MTSS1: variants seen among roughly 807,000 people sequenced by gnomAD.
The protein encoded by MTSS1 is MTSS I-BAR domain containing 1.
In MTSS1, 18 loss-of-function variants were observed where a neutral mutation model predicts 79.0. The ratio of observed to expected loss-of-function variants is 0.23; its 90% CI spans 0.16 to 0.34. MTSS1 has a LOEUF of 0.34. MTSS1 is among the 10% of genes least tolerant of loss of function. The pLI is 1.00. For synonymous variants in MTSS1, 341 were observed against 368.6 expected, an observed-to-expected ratio of 0.93 and a Z score of 0.86; for missense variants, 815 against 986.2, an observed-to-expected ratio of 0.83 and a Z score of 2.33.
At chr8:124,726,741 G>A (rs896093429) in intron 1 of MTSS1, among the ~76,000 whole-genome samples, 2 of 152,180 alleles carry the variant, frequency 1.3e-5, no homozygotes, top group Non-Finnish European at 2.9e-5. Context: ...CTGAAGAGGG[G>A]CTGTCCACAC....
chr8:124,566,564 C>T (rs562677440), intron 8 of MTSS1, among the ~76,000 whole-genome samples: 2 of 152,248 alleles, frequency 1.3e-5, no homozygotes, highest in South Asian at 4.1e-4. Flanking sequence ...ATAAAAATGT[C>T]ATCTTTTTCA....
chr8:124,601,060 T>C (rs2132985231), intron 3 of MTSS1, among the ~76,000 whole-genome samples: 1 of 107,512 alleles, frequency 9.3e-6, no homozygotes, highest in East Asian at 2.9e-4. Context: ...CCCTTGACTG[T>C]AATTTTTTTT....
intron 10 of MTSS1, among the ~76,000 whole-genome samples, chr8:124,560,646 G>A (rs1334910122): frequency 1.3e-5 from 2 of 152,046 alleles, no homozygotes; most frequent in African/African-American, 2.4e-5. Flanking sequence ...GTGAGACCCT[G>A]TCTCAAAAAA....
chr8:124,558,745 A>G (rs1438351481), intron 10 of MTSS1: 1 of 1,580,390 alleles, frequency 6.3e-7, no homozygotes, highest in Admixed American at 1.7e-5. Context: ...CCCATGGTGG[A>G]GCCCGAGCTG....
intron 3 of MTSS1, among the ~76,000 whole-genome samples, chr8:124,630,260 G>A (rs1311437349): frequency 5.3e-5 from 8 of 152,070 alleles, no homozygotes; most frequent in African/African-American, 1.9e-4. Flanking sequence ...CCACTGGGCT[G>A]AATGGGGGCC....
chr8:124,646,989 G>A (rs1167122199), intron 3 of MTSS1, among the ~76,000 whole-genome samples: 1 of 152,084 alleles, frequency 6.6e-6, no homozygotes, highest in African/African-American at 2.4e-5. Context: ...GGGACTACAG[G>A]CATGTGCCAC....
Position 124,715,720 on chromosome 8 carries a change from T to G in MTSS1, c.73-11529A>C, listed in dbSNP as rs79483103. Among the ~76,000 whole-genome samples, 1,335 of 152,302 alleles carry G rather than the reference T, an allele frequency of 8.8e-3. 19 individuals are homozygous for G. Among genetic ancestry groups the G allele is most frequent in the African/African-American group, 0.031 (1,281 of 41,564 alleles). On this transcript the variant is annotated intron_variant, in intron 1 of 13. Transcript: ENST00000518547. ...TAAGTGTCTTTCCATTGAATGTCAT[T>G]TTTCTTGCCTGGCGAGAGGGCGCTG...
At position 124,645,996 on chromosome 8, in the gene MTSS1, A is replaced by G. The variant is rs1818933973; in HGVS notation, c.208+53530T>C. 2.6e-5 allele frequency among the ~76,000 whole-genome samples: 4 copies of G among 152,318 alleles called. 1 individual carries two copies. In the South Asian group the frequency reaches 8.3e-4, roughly 32 times the overall value. On this transcript the variant is annotated intron_variant, in intron 3 of 13. Transcript: ENST00000518547. ...TATTTCTCCCCTCCTTTCCACTGTGAATGTCTATTTAGAAAAAAGTATGTA... is the reference window on the plus strand; with the variant it reads ...TATTTCTCCCCTCCTTTCCACTGTGGATGTCTATTTAGAAAAAAGTATGTA...
intron 1 of MTSS1, among the ~76,000 whole-genome samples, chr8:124,716,601 A>G (rs1832029625): frequency 6.6e-6 from 1 of 152,204 alleles, no homozygotes; most frequent in Non-Finnish European, 1.5e-5. Flanking sequence ...CCCCACCCCC[A>G]GATCAACAAA....
At chr8:124,630,683 C>G (rs939465727) in intron 3 of MTSS1, among the ~76,000 whole-genome samples, 1 of 152,188 alleles carries the variant, frequency 6.6e-6, no homozygotes, top group Admixed American at 6.5e-5. Context: ...GCTACATAGC[C>G]CCAACCTGCC....
intron 10 of MTSS1, among the ~76,000 whole-genome samples, chr8:124,561,032 A>G (rs1448912910): frequency 1.3e-5 from 2 of 152,322 alleles, no homozygotes; most frequent in Admixed American, 1.3e-4. Flanking sequence ...GATCTGTACA[A>G]TGACCTTCAA....
chr8:124,652,276 T>C (rs1587594395), intron 3 of MTSS1, among the ~76,000 whole-genome samples: 2 of 152,044 alleles, frequency 1.3e-5, no homozygotes, highest in Admixed American at 1.3e-4. Context: ...CAGGTTCAAG[T>C]GATTCTCCTG....
At chr8:124,658,795 C>A (rs929235699) in intron 3 of MTSS1, among the ~76,000 whole-genome samples, 1 of 152,176 alleles carries the variant, frequency 6.6e-6, no homozygotes, top group Non-Finnish European at 1.5e-5. Flanking sequence ...TCACCTCTCA[C>A]CAGGCCCCAT....
intron 3 of MTSS1, among the ~76,000 whole-genome samples, chr8:124,629,545 G>T (rs1018391340): frequency 7.0e-6 from 1 of 142,572 alleles, no homozygotes; most frequent in East Asian, 2.0e-4. Flanking sequence ...AAAGAAAAAA[G>T]AAATTCTGGA....
At position 124,727,870 on chromosome 8, in the gene MTSS1, C is replaced by T; in HGVS notation, c.72+14G>A. The stretch of plus-strand genomic sequence containing the variant: ...GCGGCGGCCGGCGCCGCAGCCGCAC[C>T]CCCGGCGTCCTACCTTCATGTCGCT... On this transcript the variant is annotated intron_variant, in intron 1 of 13. Transcript: ENST00000518547. The surrounding 1 kb of genome is among the most constrained non-coding windows in gnomAD (Gnocchi z 4.7). 2 of 1,580,978 alleles carry T rather than the reference C, an allele frequency of 1.3e-6. No homozygotes were observed. The highest frequency in any genetic ancestry group is 1.2e-5 in the South Asian group (1 of 86,924).
intron 6 of MTSS1, among the ~76,000 whole-genome samples, chr8:124,573,445 TTTGA>T (rs562717206): frequency 2.0e-4 from 31 of 152,372 alleles, no homozygotes; most frequent in African/African-American, 7.2e-4. Flanking sequence ...TCTCTAGTTA[TTTGA>T]TTGACGTCAG....
chr8:124,600,805 C>A (rs987659689), intron 3 of MTSS1, among the ~76,000 whole-genome samples: 1 of 152,234 alleles, frequency 6.6e-6, no homozygotes, highest in African/African-American at 2.4e-5. Flanking sequence ...TCTTCCCAAA[C>A]ATCTCAGAAG....
At chr8:124,700,286 T>C (rs971894499) in intron 2 of MTSS1, among the ~76,000 whole-genome samples, 6 of 152,076 alleles carry the variant, frequency 3.9e-5, no homozygotes, top group African/African-American at 1.4e-4. Flanking sequence ...GAAAGCAATA[T>C]ATATATATGC....
At chr8:124,686,237 G>A (rs1461469445) in intron 3 of MTSS1, among the ~76,000 whole-genome samples, 1 of 152,124 alleles carries the variant, frequency 6.6e-6, no homozygotes, top group East Asian at 1.9e-4. Context: ...GCCTCCCTGA[G>A]CCCTCTCTCC....
Sources: allele counts gnomAD v4.1 joint callset (sites outside exome capture counted in the v4.1 genomes callset), GRCh38; gene constraint gnomAD v4.1.1; non-coding constraint Gnocchi (gnomAD v3.1); transcripts MANE v1.5; gene names NCBI Gene and HGNC (gene_info 2026-07-23, HGNC 2026-07-21).